The following HPCAL1 variants were observed in gnomAD, a reference collection of about 807,000 sequenced individuals.
HPCAL1 encodes the protein hippocalcin like 1.
A neutral mutation model predicts 17.1 loss-of-function variants in HPCAL1; 8 were observed. The ratio of observed to expected loss-of-function variants is 0.47; its 90% CI spans 0.27 to 0.84. The LOEUF (loss-of-function observed/expected upper bound fraction) is 0.84, where lower values mean the gene tolerates loss of function less well. Ranked by LOEUF, HPCAL1 falls within the 40% of genes least tolerant of loss-of-function variation. HPCAL1 has a pLI of 0.13. For missense variants in HPCAL1, 165 were observed against 271.1 expected, an observed-to-expected ratio of 0.61 and a Z score of 2.75; for synonymous variants, 112 against 111.4, an observed-to-expected ratio of 1.01 and a Z score of -0.03.
At chr2:10,380,591 T>C (rs937007496) in intron 1 of HPCAL1, among the ~76,000 whole-genome samples, 1 of 152,208 alleles carries the variant, frequency 6.6e-6, no homozygotes, top group African/African-American at 2.4e-5. Context: ...GCTACTTCTG[T>C]CTGGGTGTAG....
intron 1 of HPCAL1, among the ~76,000 whole-genome samples, chr2:10,389,012 C>T (rs778096262): frequency 1.3e-5 from 2 of 152,070 alleles, no homozygotes; most frequent in African/African-American, 2.4e-5. Flanking sequence ...ACGTAGGAGG[C>T]GGGACTCGAC....
chr2:10,349,929 G>A (rs1665736505), intron 1 of HPCAL1, among the ~76,000 whole-genome samples: 1 of 151,938 alleles, frequency 6.6e-6, no homozygotes, highest in East Asian at 1.9e-4. Context: ...CTCAGTTTCT[G>A]TTTCTGTCAA....
At chr2:10,352,219 TG>T (rs1452211901) in intron 1 of HPCAL1, among the ~76,000 whole-genome samples, 8 of 152,174 alleles carry the variant, frequency 5.3e-5, no homozygotes, top group Non-Finnish European at 1.2e-4. Context: ...TTGTATGGTG[TG>T]TGAACCGCAA....
At chr2:10,305,844 C>T (rs1291309649) in intron 1 of HPCAL1, among the ~76,000 whole-genome samples, 4 of 152,194 alleles carry the variant, frequency 2.6e-5, no homozygotes, top group Admixed American at 1.3e-4. Flanking sequence ...TTGGTGCAAA[C>T]GCCCCAGCCA....
Position 10,422,946 on chromosome 2 carries a change from G to A in HPCAL1, c.379-37G>A, listed in dbSNP as rs112262564. The A allele has an allele frequency of 2.1e-4, 317 of 1,480,372 alleles. 1 individual carries two copies. Among genetic ancestry groups the A allele is most frequent in the East Asian group, 8.2e-4 (36 of 43,976 alleles). 91.7% of individuals were successfully genotyped at this position (1,480,372 alleles called of 1,614,324 possible). On this transcript the variant is annotated intron_variant, in intron 3 of 4. Coordinates refer to ENST00000307845, the MANE Select transcript of HPCAL1 (RefSeq NM_002149.4). ...CCTTGCTGCACCCGCCCAAGCCCCC[G>A]GGCCTCTGAGCACAGTGTCATTGCC... is the stretch of plus-strand genomic sequence containing the variant.
chr2:10,358,143 G>A (rs1481776672), intron 1 of HPCAL1, among the ~76,000 whole-genome samples: 2 of 152,372 alleles, frequency 1.3e-5, no homozygotes, highest in South Asian at 4.1e-4. Context: ...AATCGTGGCC[G>A]ATGGCTGGAT....
At chr2:10,329,702 G>GTGA (rs1260667270) in intron 1 of HPCAL1, among the ~76,000 whole-genome samples, 1 of 152,224 alleles carries the variant, frequency 6.6e-6, no homozygotes, top group Non-Finnish European at 1.5e-5. Context: ...TTCCTCCAGT[G>GTGA]TGATCCCTTC....
intron 1 of HPCAL1, among the ~76,000 whole-genome samples, chr2:10,312,414 T>C (rs1663039326): frequency 6.7e-6 from 1 of 148,760 alleles, no homozygotes; most frequent in African/African-American, 2.5e-5. Flanking sequence ...ACCATCAATG[T>C]CGTCATCACC....
chr2:10,313,904 G>A (rs566177177), intron 1 of HPCAL1, among the ~76,000 whole-genome samples: 50 of 152,134 alleles, frequency 3.3e-4, no homozygotes, highest in Non-Finnish European at 5.4e-4. Flanking sequence ...AGGCTGAGGC[G>A]GGCAAATTAC....
At chr2:10,392,185 C>G (rs1459910748) in intron 1 of HPCAL1, among the ~76,000 whole-genome samples, 1 of 151,894 alleles carries the variant, frequency 6.6e-6, no homozygotes. Flanking sequence ...TGGGACTACC[C>G]CCATGCACCA....
chr2:10,335,901 G>C (rs1310551515), intron 1 of HPCAL1, among the ~76,000 whole-genome samples: 5 of 152,074 alleles, frequency 3.3e-5, no homozygotes, highest in Non-Finnish European at 7.3e-5. Flanking sequence ...ATACATTATT[G>C]TCCTTTCTGC....
intron 1 of HPCAL1, among the ~76,000 whole-genome samples, chr2:10,335,534 T>C (rs954309280): frequency 6.6e-6 from 1 of 152,178 alleles, no homozygotes; most frequent in Non-Finnish European, 1.5e-5. Flanking sequence ...TGTGAGATAA[T>C]GTTTGTTGTT....
At chr2:10,398,995 C>A (rs909275020) in intron 2 of HPCAL1, among the ~76,000 whole-genome samples, 2 of 152,002 alleles carry the variant, frequency 1.3e-5, no homozygotes, top group African/African-American at 4.8e-5. Flanking sequence ...CTGGATGTCA[C>A]CTGCATACAA....
chr2:10,397,285 C>T (rs942972701), intron 2 of HPCAL1, among the ~76,000 whole-genome samples: 1 of 152,148 alleles, frequency 6.6e-6, no homozygotes, highest in African/African-American at 2.4e-5. Flanking sequence ...GCAAGGAGGG[C>T]ACTGTCTTAG....
At position 10,384,205 on chromosome 2, in the gene HPCAL1, GC is replaced by G. The variant is rs1204061147; in HGVS notation, c.-110-12627del. Among the ~76,000 whole-genome samples, 1 of 152,248 alleles carries G rather than the reference GC, an allele frequency of 6.6e-6. No individual in the cohort carries two copies. Among genetic ancestry groups the G allele is most frequent in the South Asian group, 2.1e-4 (1 of 4,816 alleles). ...TGGGGACAAGGTGAGGGAGGTGGCG[GC>G]CCGGCAGGAAGGTCATTTCTTTCTT... is the stretch of plus-strand genomic sequence containing the variant. On this transcript the variant is annotated intron_variant, in intron 1 of 4. Transcript: ENST00000307845. This position sits in a 1 kb window ranked among gnomAD's most constrained non-coding sequence, Gnocchi z 4.4.
In HPCAL1 at chr2:10,330,475, A is replaced by G. The variant is rs1664292977; in HGVS notation, c.-111+27298A>G. On this transcript the variant is annotated intron_variant, in intron 1 of 4. Transcript: ENST00000307845. This position sits in a 1 kb window ranked among gnomAD's most constrained non-coding sequence, Gnocchi z 4.2. ...AGTCTGGGTGCCTTAAACAACAGGA[A>G]TTCTTTTTTTTTTACAGTATTGGAG... Among the ~76,000 whole-genome samples, 1 of 145,194 alleles carries G rather than the reference A, an allele frequency of 6.9e-6. No homozygotes were observed. The highest frequency in any genetic ancestry group is 2.3e-4 in the South Asian group (1 of 4,416).
chr2:10,422,932 C>A, intron 3 of HPCAL1, 51 bp from the exon 4 acceptor site: 1 of 1,375,598 alleles, frequency 7.3e-7, no homozygotes, highest in Non-Finnish European at 1.0e-6. Flanking sequence ...CTTGCTGCAC[C>A]CGCCCAAGCC....
chr2:10,392,305 G>A (rs1014146561), intron 1 of HPCAL1, among the ~76,000 whole-genome samples: 7 of 151,486 alleles, frequency 4.6e-5, no homozygotes. Context: ...CCTCCCTTAG[G>A]GCTGGGATTA....
At chr2:10,404,530 CCA>C (rs1013581538) in intron 2 of HPCAL1, among the ~76,000 whole-genome samples, 3 of 152,210 alleles carry the variant, frequency 2.0e-5, no homozygotes, top group Non-Finnish European at 4.4e-5. Context: ...CAGTCAGCAG[CCA>C]CAGACTCCCC....
Sources: gnomAD v4.1 joint callset for allele counts (sites outside exome capture counted in the v4.1 genomes callset) on GRCh38, gnomAD v4.1.1 for gene constraint, Gnocchi (gnomAD v3.1) non-coding constraint, MANE v1.5 for transcripts, NCBI Gene and HGNC (gene_info 2026-07-23, HGNC 2026-07-21) for gene names.